Variants in IL7 observed in about 807,000 individuals in gnomAD.
IL7 encodes interleukin 7, also known as interleukin-7.
In IL7, 3 loss-of-function variants were observed where a neutral mutation model predicts 21.6. The ratio of observed to expected loss-of-function variants is 0.14; its 90% confidence interval spans 0.06 to 0.36. IL7 has a LOEUF of 0.36. Ranked by LOEUF, IL7 falls within the 10% of genes least tolerant of loss-of-function variation. IL7 has a pLI of 1.00. For synonymous variants in IL7, 62 were observed against 68.1 expected (o/e 0.91, Z 0.44); for missense variants, 175 against 200.2 (o/e 0.87, Z 0.76).
At chr8:78,697,130 G>A (rs1810446427) in intron 3 of IL7, among the ~76,000 whole-genome samples, 2 of 152,318 alleles carry the variant, frequency 1.3e-5, no homozygotes, top group Middle Eastern at 6.8e-3. Context: ...TTAAGGGAAT[G>A]TGAGCTGTTT....
At chr8:78,748,609 T>C (rs1256459682) in intron 2 of IL7, among the ~76,000 whole-genome samples, 2 of 152,118 alleles carry the variant, frequency 1.3e-5, no homozygotes, top group Non-Finnish European at 2.9e-5. Flanking sequence ...GCCATTGAGA[T>C]AGGAAATAGA....
chr8:78,763,142 CAGT>C (rs1812635398), intron 2 of IL7, among the ~76,000 whole-genome samples: 1 of 152,222 alleles, frequency 6.6e-6, no homozygotes, highest in South Asian at 2.1e-4. Context: ...CAAGCACTGT[CAGT>C]GGTGAGTAGA....
chr8:78,786,242 T>C (rs964040202), intron 2 of IL7, among the ~76,000 whole-genome samples: 3 of 152,232 alleles, frequency 2.0e-5, no homozygotes, highest in Non-Finnish European at 4.4e-5. Flanking sequence ...GTATAGTCTA[T>C]TGCTCTCAGG....
intron 2 of IL7, chr8:78,747,242 G>A (rs1812012183): frequency 2.9e-6 from 1 of 349,692 alleles, no homozygotes; most frequent in Non-Finnish European, 5.4e-6. Context: ...CTGGAGTGCA[G>A]TGGCATGGTC....
intron 2 of IL7, among the ~76,000 whole-genome samples, chr8:78,789,222 A>T (rs914391042): frequency 2.0e-5 from 3 of 152,118 alleles, no homozygotes; most frequent in Non-Finnish European, 2.9e-5. Context: ...AACTAGAAAA[A>T]AGTTATTCAT....
chr8:78,791,038 T>C (rs1206252021), intron 2 of IL7, among the ~76,000 whole-genome samples: 1 of 152,122 alleles, frequency 6.6e-6, no homozygotes, highest in East Asian at 1.9e-4. Flanking sequence ...CAAAATGGAA[T>C]TGGAGAGTCC....
intron 2 of IL7, among the ~76,000 whole-genome samples, chr8:78,765,808 A>G (rs1487275128): frequency 1.3e-5 from 2 of 152,132 alleles, no homozygotes; most frequent in Non-Finnish European, 2.9e-5. Flanking sequence ...TTACGACATA[A>G]TGCAGCAATC....
intron 2 of IL7, chr8:78,760,830 C>A (rs1812527989): frequency 1.3e-6 from 2 of 1,551,022 alleles, no homozygotes; most frequent in African/African-American, 2.8e-5. Context: ...AACCAAAATT[C>A]ATTATAAACT....
At chr8:78,698,615 A>G in intron 3 of IL7, 1 of 877,282 alleles carries the variant, frequency 1.1e-6, no homozygotes, top group Non-Finnish European at 1.6e-6. Context: ...TCATTTCCTA[A>G]GTTCATTTGT....
intron 3 of IL7, among the ~76,000 whole-genome samples, chr8:78,701,406 G>C (rs1402465436): frequency 1.3e-5 from 2 of 152,100 alleles, no homozygotes; most frequent in African/African-American, 4.8e-5. Context: ...GATATAATGG[G>C]GTTTTCTAGA....
rs35546691 is a variant in IL7 at position 78,687,837 on chromosome 8, TTATA to T, written n.215-1894_215-1891del. Among the ~76,000 whole-genome samples the T allele has an allele frequency of 2.4e-4, 24 of 101,688 alleles. 4 individuals are homozygous for T. The highest frequency in any genetic ancestry group is 9.8e-4 in the African/African-American group (23 of 23,506). 66.7% of individuals were successfully genotyped at this position (101,688 alleles called of 152,430 possible). ...TAAATATATATATTCATGTAATAAA[TTATA>T]TATATATTTATATAATATATATCTA... On this transcript the variant is annotated intron_variant and non_coding_transcript_variant, in intron 3 of 4. Transcript: ENST00000523959.
intron 3 of IL7, among the ~76,000 whole-genome samples, chr8:78,695,656 CTA>C (rs67856128): frequency 3.9e-5 from 6 of 151,998 alleles, no homozygotes; most frequent in Admixed American, 3.3e-4. Flanking sequence ...CTTTCTCTCT[CTA>C]TATATATATA....
At chr8:78,753,489 G>C (rs1003468925) in intron 2 of IL7, among the ~76,000 whole-genome samples, 1 of 152,018 alleles carries the variant, frequency 6.6e-6, no homozygotes. Flanking sequence ...TTTGTCAGGT[G>C]GATAAATTGC....
At chr8:78,788,099 G>T (rs1358623352) in intron 2 of IL7, among the ~76,000 whole-genome samples, 1 of 152,078 alleles carries the variant, frequency 6.6e-6, no homozygotes, top group Non-Finnish European at 1.5e-5. Context: ...CAGTAGTGAT[G>T]GCTCTCTTTT....
downstream of IL7, among the ~76,000 whole-genome samples, chr8:78,730,809 A>G (rs1311449710): frequency 6.6e-6 from 1 of 152,124 alleles, no homozygotes; most frequent in African/African-American, 2.4e-5. Context: ...AAGATAAAGT[A>G]CTAAGATGAA....
intron 3 of IL7, among the ~76,000 whole-genome samples, chr8:78,701,889 G>A (rs1470723958): frequency 2.0e-5 from 3 of 152,044 alleles, no homozygotes; most frequent in African/African-American, 7.2e-5. Flanking sequence ...GATTTGATTT[G>A]CTAGTATTTT....
chr8:78,760,512 A>T, intron 2 of IL7: 1 of 1,537,434 alleles, frequency 6.5e-7, no homozygotes. Flanking sequence ...AGCTCAGCTG[A>T]CAGCGTGTCA....
rs148270750 is a variant in IL7, at chr8:78,689,356, A to C, written n.215-3409T>G. On this transcript the variant is annotated intron_variant and non_coding_transcript_variant, in intron 3 of 4. Transcript: ENST00000523959. ...TTCTACAGATACCAAAGGAAAACCA[A>C]CTTCTCGGACACAGGTGGTAAGTTC... The C allele has an allele frequency of 1.2e-4, 191 of 1,592,676 alleles. No homozygotes were observed. In the African/African-American group the frequency reaches 2.3e-3, roughly 19 times the overall value.
intron 2 of IL7, chr8:78,761,384 A>G (rs1812550063): frequency 6.2e-7 from 1 of 1,611,726 alleles, no homozygotes; most frequent in Non-Finnish European, 8.5e-7. Context: ...ATATTTCTCT[A>G]AAAGTCTAGA....
Sources: gnomAD v4.1 joint callset for allele counts (sites outside exome capture counted in the v4.1 genomes callset) on GRCh38, gnomAD v4.1.1 for gene constraint, MANE v1.5 for transcripts, NCBI Gene and HGNC (gene_info 2026-07-23, HGNC 2026-07-21) for gene names.